The following APPL1 variants were observed in gnomAD, a reference collection of about 807,000 sequenced individuals.
APPL1 encodes adaptor protein, phosphotyrosine interacting with PH domain and leucine zipper 1.
In APPL1, 42 loss-of-function variants were observed where a neutral mutation model predicts 106.8. The ratio of observed to expected loss-of-function variants is 0.39; its 90% CI spans 0.31 to 0.51. The LOEUF is 0.51. Ranked by LOEUF, APPL1 falls within the 20% of genes least tolerant of loss-of-function variation. The probability of loss-of-function intolerance (pLI) is 0.75; values close to 1 mark genes in which losing one functional copy is unlikely to be tolerated. For missense variants in APPL1, 769 were observed against 858.2 expected, an observed-to-expected ratio of 0.90 and a Z score of 1.30; for synonymous variants, 263 against 281.8, an observed-to-expected ratio of 0.93 and a Z score of 0.67.
intron 1 of APPL1, among the ~76,000 whole-genome samples, chr3:57,231,356 A>G (rs1443987158): frequency 2.7e-5 from 4 of 150,234 alleles, no homozygotes; most frequent in African/African-American, 4.9e-5. Context: ...AAAAAAAAAA[A>G]AAAGAAAATT....
Position 57,249,501 on chromosome 3 carries a change from T to C in APPL1, c.1005T>C (p.Cys335=). 1 of 1,606,168 alleles carries C rather than the reference T, an allele frequency of 6.2e-7. No homozygotes were observed. ...IDNCSVMAVD[C]EDRRYCFQIT... The stretch of plus-strand genomic sequence containing the variant: ...ACTGTTCAGTGATGGCTGTGGACTG[T>C]GAAGACAGACGATATTGTTTTCAGA... Residue 335 remains cysteine (C), a synonymous_variant, in exon 11 of 22, where the codon TGT becomes TGC. Transcript: ENST00000288266.
intron 8 of APPL1, among the ~76,000 whole-genome samples, chr3:57,246,548 A>G (rs763760327): frequency 3.3e-5 from 5 of 152,182 alleles, no homozygotes; most frequent in Non-Finnish European, 7.3e-5. Context: ...AATAGATCTG[A>G]AAAAGAATAA....
chr3:57,241,500 A>G (rs561509501), intron 5 of APPL1, among the ~76,000 whole-genome samples: 1 of 152,188 alleles, frequency 6.6e-6, no homozygotes, highest in South Asian at 2.1e-4. Flanking sequence ...GTATCAGTGA[A>G]TGGTAAAGTA....
Position 57,260,764 on chromosome 3 carries a change from A to AG in APPL1, c.1837dup (p.Glu613GlyfsTer5). On this transcript the variant is annotated frameshift_variant, in exon 19 of 22. Coordinates refer to ENST00000288266, the MANE Select transcript of APPL1 (RefSeq NM_012096.3). LOFTEE classifies it high-confidence loss of function. ...TGCTATATATTTGAGTCAAACAATG[A>AG]GGGGGAAAAGGTACATGGCTTTTCA... 1.2e-6 allele frequency: 2 copies of AG among 1,608,076 alleles called. No homozygotes were observed. The highest frequency in any genetic ancestry group is 1.7e-6 in the Non-Finnish European group (2 of 1,176,346).
chr3:57,230,779 G>GT (rs571053927), intron 1 of APPL1: 8,269 of 368,348 alleles, frequency 0.022, 4 homozygotes, highest in South Asian at 0.035. Context: ...TAAGTTTTTT[G>GT]TTTTTTTTTT....
At position 57,240,529 on chromosome 3, in the gene APPL1, A is replaced by C. The variant is rs766745557; in HGVS notation, c.350A>C (p.Gln117Pro). ...LADAMMFPIT[Q>P]FKERDLKEIL... The stretch of plus-strand genomic sequence containing the variant: ...GATGCCATGATGTTCCCCATTACCC[A>C]GTTTAAAGAAAGAGATCTGAAAGGT... The change falls in exon 5 of 22, where the codon CAG (glutamine) becomes CCG (proline). Residue 117 changes from glutamine to proline, a missense_variant. Gln to Pro is a moderately conservative substitution (Grantham distance 76). Transcript: ENST00000288266. The C allele has an allele frequency of 6.2e-7, 1 of 1,613,756 alleles. No homozygotes were observed.
chr3:57,230,772 G>A (rs2060682088), intron 1 of APPL1: 1 of 456,776 alleles, frequency 2.2e-6, no homozygotes, highest in Non-Finnish European at 4.5e-6. Flanking sequence ...CTCATGGTAA[G>A]TTTTTTGTTT....
rs944583346 is a variant in APPL1, at chr3:57,252,296, A to G, written c.1080A>G (p.Lys360=). The part of the protein sequence containing the change: ...KKSSILQAES[K]KDHEEWICTI... The stretch of plus-strand genomic sequence containing the variant: ...CTTCAATTTTGCAAGCAGAGAGTAA[A>G]AAAGATCATGAAGAGGTAAGATTTT... Residue 360 remains lysine, a synonymous_variant, in exon 12 of 22, where the codon AAA becomes AAG. Coordinates refer to ENST00000288266, the MANE Select transcript of APPL1 (RefSeq NM_012096.3). 21 of 1,607,972 alleles carry G rather than the reference A, an allele frequency of 1.3e-5. No individual in the cohort carries two copies. The highest frequency in any genetic ancestry group is 1.7e-4 in the Middle Eastern group (1 of 5,992).
intron 13 of APPL1, among the ~76,000 whole-genome samples, chr3:57,256,598 G>A (rs1176014061): frequency 6.6e-6 from 1 of 152,140 alleles, no homozygotes; most frequent in Non-Finnish European, 1.5e-5. Context: ...GCACTGGGCT[G>A]CATGTTAGCA....
intron 7 of APPL1, among the ~76,000 whole-genome samples, chr3:57,244,307 C>G (rs747018940): frequency 6.6e-6 from 1 of 152,102 alleles, no homozygotes; most frequent in Non-Finnish European, 1.5e-5. Flanking sequence ...AGGTGTTAGC[C>G]ACTATGCTCA....
rs2060954855 is a variant in APPL1, at chr3:57,272,959, A to AAAT, written c.*3274_*3276dup. On this transcript the variant is annotated 3_prime_UTR_variant, in exon 22 of 22. Coordinates refer to ENST00000288266, the MANE Select transcript of APPL1 (RefSeq NM_012096.3). ...CCTCTTAGCATTCAGATTGTATTTTAAATACTTAAACACACCAATTGTAGA... is the reference window on the plus strand; with the variant it reads ...CCTCTTAGCATTCAGATTGTATTTTAAATAATACTTAAACACACCAATTGTAGA... 1 of 152,604 alleles carries AAAT rather than the reference A, an allele frequency of 6.6e-6. No individual in the cohort carries two copies. Among genetic ancestry groups the AAAT allele is most frequent in the Non-Finnish European group, 1.5e-5 (1 of 68,046 alleles). The allele number at this position is 152,604 out of a possible 1,614,324, so 9.5% of individuals were successfully genotyped here.
At position 57,257,000 on chromosome 3, in the gene APPL1, C is replaced by T. The variant is rs1559512352; in HGVS notation, c.1196C>T (p.Thr399Ile). 1 of 1,614,176 alleles carries T rather than the reference C, an allele frequency of 6.2e-7. No homozygotes were observed. The highest frequency in any genetic ancestry group is 8.5e-7 in the Non-Finnish European group (1 of 1,180,038). ...AATCAATCAGCTCTGGAAGCTGTCA[C>T]TCCTTCCCCATCTTTCCAGCAGAGG... ...RVNQSALEAVTPSPSFQQRHE... is the reference protein window; with the variant it reads ...RVNQSALEAVIPSPSFQQRHE... Residue 399 changes from threonine (T) to isoleucine (I), a missense_variant, in exon 14 of 22, where the codon ACT (threonine) becomes ATT (isoleucine). Transcript: ENST00000288266.
chr3:57,265,939 G>A (rs1281691629), intron 19 of APPL1, among the ~76,000 whole-genome samples: 3 of 152,156 alleles, frequency 2.0e-5, no homozygotes. Context: ...ATTTTCAGCA[G>A]TAATTGAAAT....
Position 57,235,551 on chromosome 3 carries a change from T to TTC in APPL1, c.55-15_55-14insTC. 4 of 1,514,926 alleles carry TTC rather than the reference T, an allele frequency of 2.6e-6. No homozygotes were observed. Among genetic ancestry groups the TTC allele is most frequent in the Non-Finnish European group, 3.6e-6 (4 of 1,098,748 alleles). The allele number at this position is 1,514,926 out of a possible 1,614,324, so 93.8% of individuals were successfully genotyped here. A position where few individuals can be genotyped will look rare whatever the true frequency, so the allele number is the denominator to read the frequency against. On this transcript the variant is annotated splice_polypyrimidine_tract_variant and intron_variant, in intron 1 of 21. Transcript: ENST00000288266. ...ATAATGATTAACATAAACTTATTGC[T>TTC]ATTGTTTTATACAGACAAGGTCTTT... is the stretch of plus-strand genomic sequence containing the variant.
intron 4 of APPL1, among the ~76,000 whole-genome samples, chr3:57,239,037 G>T (rs1365696246): frequency 6.6e-6 from 1 of 152,194 alleles, no homozygotes; most frequent in Non-Finnish European, 1.5e-5. Context: ...CACAATCATG[G>T]CGGAAGACGA....
chr3:57,248,295 C>G lies in APPL1; in HGVS notation c.807C>G (p.Thr269=). The G allele has an allele frequency of 6.2e-7, 1 of 1,614,082 alleles. No individual in the cohort carries two copies. The highest frequency in any genetic ancestry group is 8.5e-7 in the Non-Finnish European group (1 of 1,180,016). ...TATATGTGCCTGACCCAGACCCCAC[C>G]AAATTTCCTGTTAATCGAAATTTAA... The part of the protein sequence containing the change: ...DPLYVPDPDP[T]KFPVNRNLTR... Residue 269 remains threonine (T), a synonymous_variant, in exon 10 of 22, where the codon ACC becomes ACG. Coordinates refer to ENST00000288266, the MANE Select transcript of APPL1 (RefSeq NM_012096.3).
chr3:57,243,279 A>C (rs964667799), intron 7 of APPL1, among the ~76,000 whole-genome samples: 2 of 152,204 alleles, frequency 1.3e-5, no homozygotes, highest in Non-Finnish European at 2.9e-5. Flanking sequence ...CACATAATGA[A>C]ATTCTGTTAT....
At chr3:57,263,264 A>T (rs2060877185) in intron 19 of APPL1, among the ~76,000 whole-genome samples, 1 of 152,180 alleles carries the variant, frequency 6.6e-6, no homozygotes, top group South Asian at 2.1e-4. Context: ...CCTTTGTATT[A>T]GAAACAATCC....
intron 20 of APPL1, 169 bp downstream of exon 20, chr3:57,267,961 G>A (rs142179062): frequency 5.4e-5 from 36 of 672,352 alleles, no homozygotes; most frequent in Admixed American, 3.5e-4. Flanking sequence ...GTGTGGTGTC[G>A]TGCACCTGTA....
Sources: allele counts gnomAD v4.1 joint callset (sites outside exome capture counted in the v4.1 genomes callset), GRCh38; gene constraint gnomAD v4.1.1; transcripts MANE v1.5; gene names NCBI Gene and HGNC (gene_info 2026-07-23, HGNC 2026-07-21).